Variants in HMCN2 observed in about 807,000 individuals in gnomAD.
HMCN2 encodes hemicentin 2, also known as hemicentin-2.
In HMCN2, 325 loss-of-function variants were observed where a neutral mutation model predicts 377.5. That is an observed-to-expected ratio of 0.86 (90% confidence interval 0.79 to 0.94). The LOEUF is 0.94. Ranked by LOEUF, HMCN2 falls within the 40% of genes least tolerant of loss-of-function variation. The pLI, the probability that HMCN2 is intolerant of heterozygous loss-of-function variation, is 0.00. For missense variants in HMCN2, 4,543 were observed against 4,725.3 expected, an observed-to-expected ratio of 0.96 and a Z score of 1.13; for synonymous variants, 2,007 against 2,046.8, an observed-to-expected ratio of 0.98 and a Z score of 0.53.
intron 36 of HMCN2, among the ~76,000 whole-genome samples, chr9:130,359,023 G>T (rs1221356969): frequency 6.6e-6 from 1 of 152,136 alleles, no homozygotes; most frequent in African/African-American, 2.4e-5. Context: ...TATTTTGGGG[G>T]TTTATTTGCA....
At chr9:130,425,477 G>C (rs1356644908) in intron 89 of HMCN2, among the ~76,000 whole-genome samples, 2 of 147,728 alleles carry the variant, frequency 1.4e-5, no homozygotes, top group Non-Finnish European at 3.0e-5. Flanking sequence ...TCCTCCCAAG[G>C]CTCACCCCAT....
chr9:130,358,280 C>T, intron 35 of HMCN2, 110 bp from the exon 36 acceptor site: 1 of 1,242,834 alleles, frequency 8.0e-7, no homozygotes, highest in African/African-American at 1.5e-5. Flanking sequence ...CAAAAGTGTC[C>T]CCATGCCTCA....
Position 130,430,556 on chromosome 9 carries a change from C to G in HMCN2, c.14599C>G (p.Arg4867Gly), listed in dbSNP as rs1198681204. The G allele has an allele frequency of 2.6e-6, 4 of 1,550,358 alleles. No homozygotes were observed. Among genetic ancestry groups the G allele is most frequent in the Admixed American group, 3.9e-5 (2 of 50,968 alleles). Reference protein sequence around the residue: ...PGPMALSSVGRAWCPPGFIRQ... With the variant: ...PGPMALSSVGGAWCPPGFIRQ... ...TCCCATGGCCCTGAGCAGTGTGGGCCGGGCCTGGTGCCCTCCTGGTTTCAT... is the reference window on the plus strand; with the variant it reads ...TCCCATGGCCCTGAGCAGTGTGGGCGGGGCCTGGTGCCCTCCTGGTTTCAT... Residue 4867 changes from arginine (R) to glycine (G), a missense_variant, in exon 95 of 98, where the codon CGG becomes GGG. By Grantham distance (125) the Arg-to-Gly change is moderately radical. Transcript: ENST00000683500.
In HMCN2 at chr9:130,403,268, G is replaced by T. The variant is rs1842938247; in HGVS notation, c.11953G>T (p.Ala3985Ser). 7.8e-7 allele frequency: 1 copy of T among 1,289,696 alleles called. No homozygotes were observed. The highest frequency in any genetic ancestry group is 2.3e-5 in the Admixed American group (1 of 43,524). 79.9% of individuals were successfully genotyped at this position (1,289,696 alleles called of 1,614,324 possible). Reference protein sequence around the residue: ...AEEEVLLPCEASGIPRPTITW... With the variant: ...AEEEVLLPCESSGIPRPTITW... ...GGAGGAGGTGCTGCTGCCCTGCGAG[G>T]CCTCAGGCATCCCCCGGCCGACCAT... is the stretch of plus-strand genomic sequence containing the variant. The change falls in exon 79 of 98, where the codon GCC (alanine) becomes TCC (serine). Residue 3985 changes from alanine (A) to serine (S), a missense_variant. Coordinates refer to ENST00000683500, the MANE Select transcript of HMCN2 (RefSeq NM_001291815.2).
intron 25 of HMCN2, among the ~76,000 whole-genome samples, chr9:130,345,796 C>T (rs1839363120): frequency 6.6e-6 from 1 of 151,934 alleles, no homozygotes; most frequent in African/African-American, 2.4e-5. Context: ...GGACATGGAG[C>T]AGGGCCCTGG....
chr9:130,431,017 TG>T, intron 95 of HMCN2: 1 of 46,742 alleles, frequency 2.1e-5, no homozygotes, highest in Non-Finnish European at 3.7e-5. Context: ...TAGAGGGGGG[TG>T]GGGGTGGGGG....
At position 130,310,032 on chromosome 9, in the gene HMCN2, C is replaced by T. The variant is rs782070977; in HGVS notation, c.2321C>T (p.Ala774Val). The stretch of plus-strand genomic sequence containing the variant: ...CGGGCTGTCAATGAGTTGGGTGACG[C>T]CTCTGCAGAAATCCAGCTGGCGGTT... ...TCRAVNELGDASAEIQLAVGH... is the reference protein window; with the variant it reads ...TCRAVNELGDVSAEIQLAVGH... Residue 774 changes from alanine (A) to valine (V), a missense_variant, in exon 15 of 98, where the codon GCC becomes GTC. Around this residue, in one of 5 missense-constraint regions of HMCN2, gnomAD observed 547 missense variants for 189.9 expected, o/e 2.88. Transcript: ENST00000683500. 1 of 533,736 alleles carries T rather than the reference C, an allele frequency of 1.9e-6. No homozygotes were observed. The highest frequency in any genetic ancestry group is 1.4e-5 in the South Asian group (1 of 71,434). The allele number at this position is 533,736 out of a possible 1,614,324, so 33.1% of individuals were successfully genotyped here. A position where few individuals can be genotyped will look rare whatever the true frequency, so the allele number is the denominator to read the frequency against.
intron 4 of HMCN2, among the ~76,000 whole-genome samples, chr9:130,291,423 T>C (rs1320381528): frequency 3.3e-5 from 5 of 152,218 alleles, no homozygotes; most frequent in African/African-American, 1.2e-4. Flanking sequence ...TTGGCCAGGC[T>C]AGTCTCAAAC....
chr9:130,273,492 G>C, intron 1 of HMCN2, among the ~76,000 whole-genome samples: 1 of 151,742 alleles, frequency 6.6e-6, no homozygotes, highest in East Asian at 1.9e-4. Context: ...CAGTTATCTT[G>C]TCTTGCTTTT....
At chr9:130,425,469 C>CTCCCAAGGCTCACCCCATCTCT (rs1174176292) in intron 89 of HMCN2, among the ~76,000 whole-genome samples, 1 of 150,996 alleles carries the variant, frequency 6.6e-6, no homozygotes, top group African/African-American at 2.4e-5. Context: ...ACCCCATCTC[C>CTCCCAAGGCTCACCCCATCTCT]TCCCAAGGCT....
At chr9:130,274,076 G>A (rs1241959914) in intron 1 of HMCN2, among the ~76,000 whole-genome samples, 2 of 146,514 alleles carry the variant, frequency 1.4e-5, no homozygotes, top group African/African-American at 2.5e-5. Context: ...TTTGAGAGAC[G>A]GAGTCTCACT....
intron 86 of HMCN2, chr9:130,419,298 CCT>C (rs1843859962): frequency 2.6e-6 from 1 of 381,746 alleles, no homozygotes; most frequent in East Asian, 4.1e-5. Context: ...AAATGCATGT[CCT>C]CTGTCTGGAC....
chr9:130,431,029 A>G, intron 95 of HMCN2: 2 of 372,032 alleles, frequency 5.4e-6, no homozygotes, highest in Non-Finnish European at 9.7e-6. Flanking sequence ...GGGGTGGGGG[A>G]TGGCCCCTGG....
rs1838203774 is a variant in HMCN2 at position 130,327,479 on chromosome 9, A to C, written c.3359+4A>C. ...CTGTACCGCCCATCACCAACAGGTA[A>C]CCCCAGTCCCATGGCCTCAAGGGAC... On this transcript the variant is annotated splice_donor_region_variant and intron_variant, in intron 22 of 97. Transcript: ENST00000683500. 1 of 152,218 alleles carries C rather than the reference A, an allele frequency of 6.6e-6. No homozygotes were observed. The highest frequency in any genetic ancestry group is 6.5e-5 in the Admixed American group (1 of 15,280). 9.4% of individuals were successfully genotyped at this position (152,218 alleles called of 1,614,324 possible). A position where few individuals can be genotyped will look rare whatever the true frequency, so the allele number is the denominator to read the frequency against.
intron 95 of HMCN2, chr9:130,430,873 C>G (rs2131837855): frequency 1.9e-6 from 1 of 513,018 alleles, no homozygotes; most frequent in East Asian, 3.3e-5. Flanking sequence ...GCATCCTAGG[C>G]AAGTGGTCCT....
intron 22 of HMCN2, 56 bp from the exon 23 acceptor site, chr9:130,337,838 C>G (rs1838835775): frequency 6.9e-6 from 1 of 145,342 alleles, no homozygotes; most frequent in East Asian, 2.0e-4. Flanking sequence ...GGTCTTGAAG[C>G]CTTTCCATGG....
At chr9:130,334,703 T>TTCTTTCTCTCTCTCTCTCTTCTC in intron 22 of HMCN2, among the ~76,000 whole-genome samples, 3 of 145,968 alleles carry the variant, frequency 2.1e-5, no homozygotes, top group Admixed American at 7.0e-5. Flanking sequence ...CTTTCTTTCT[T>TTCTTTCTCTCTCTCTCTCTTCTC]TCTTTCTCTC....
At chr9:130,306,541 C>T (rs574190295) in intron 12 of HMCN2, among the ~76,000 whole-genome samples, 236 of 150,722 alleles carry the variant, frequency 1.6e-3, no homozygotes, top group Non-Finnish European at 2.9e-3. Flanking sequence ...GCCTGAGTCC[C>T]GTCCCCACCA....
intron 85 of HMCN2, among the ~76,000 whole-genome samples, chr9:130,417,701 C>T (rs942203493): frequency 6.6e-6 from 1 of 152,050 alleles, no homozygotes; most frequent in South Asian, 2.1e-4. Context: ...TGGGCTCTCC[C>T]CCAGAACCTC....
Sources: allele counts gnomAD v4.1 joint callset (sites outside exome capture counted in the v4.1 genomes callset), GRCh38; gene constraint gnomAD v4.1.1; regional missense constraint gnomAD v4.1.1; transcripts MANE v1.5; gene names NCBI Gene and HGNC (gene_info 2026-07-23, HGNC 2026-07-21).